The following SPEF2 variants were observed in gnomAD, a reference collection of about 807,000 sequenced individuals.
SPEF2 encodes the protein sperm flagella and cilia-associated protein 2.
SPEF2 carries 187 observed loss-of-function variants against 224.6 expected under a neutral mutation model. That is an observed-to-expected ratio of 0.83 (90% CI 0.74 to 0.94). The LOEUF is 0.94. Ranked by LOEUF, SPEF2 falls within the 40% of genes least tolerant of loss-of-function variation. The pLI, the probability that SPEF2 is intolerant of heterozygous loss-of-function variation, is 0.00. For missense variants in SPEF2, 2,170 were observed against 2,135.6 expected (o/e 1.02, Z -0.32); for synonymous variants, 715 against 707.3 (o/e 1.01, Z -0.17).
At chr5:35,789,337 A>G in intron 30 of SPEF2, 1 of 703,500 alleles carries the variant, frequency 1.4e-6, no homozygotes, top group East Asian at 2.7e-5. Context: ...TTGCCACTTT[A>G]GAGTCAATGC....
intron 8 of SPEF2, among the ~76,000 whole-genome samples, chr5:35,660,363 A>T (rs1749541317): frequency 6.6e-6 from 1 of 152,208 alleles, no homozygotes; most frequent in Non-Finnish European, 1.5e-5. Context: ...AACCTTATAG[A>T]AAACAGGAGG....
In SPEF2 at chr5:35,814,451, T is replaced by C. The variant is rs373545575; in HGVS notation, c.5380-13T>C. ...TTAGTATTTGTAACTTCTCTTTGAA[T>C]CTTTTGTCTTAGGATATTAAAATAA... On this transcript the variant is annotated splice_polypyrimidine_tract_variant and intron_variant, in intron 36 of 36. Transcript: ENST00000356031. 8.6e-6 allele frequency: 13 copies of C among 1,517,348 alleles called. No homozygotes were observed. The highest frequency in any genetic ancestry group is 1.2e-5 in the Non-Finnish European group (13 of 1,105,484). The allele number at this position is 1,517,348 out of a possible 1,614,324, so 94.0% of individuals were successfully genotyped here.
intron 23 of SPEF2, among the ~76,000 whole-genome samples, chr5:35,751,321 A>G (rs974195070): frequency 1.0e-4 from 14 of 139,014 alleles, no homozygotes; most frequent in African/African-American, 3.7e-4. Context: ...TGGGGGGAAG[A>G]GTGGGAGGGG....
intron 3 of SPEF2, among the ~76,000 whole-genome samples, chr5:35,642,611 A>G (rs999217322): frequency 5.9e-5 from 9 of 152,206 alleles, no homozygotes; most frequent in Admixed American, 2.0e-4. Context: ...TTATTGACTA[A>G]TTGATATGAC....
intron 1 of SPEF2, among the ~76,000 whole-genome samples, chr5:35,627,764 A>C (rs1744476743): frequency 6.6e-6 from 1 of 152,182 alleles, no homozygotes; most frequent in Non-Finnish European, 1.5e-5. Context: ...TGTTCTAGAC[A>C]TGAGGCTGAA....
intron 1 of SPEF2, among the ~76,000 whole-genome samples, chr5:35,626,314 T>C (rs1169045983): frequency 6.6e-6 from 1 of 152,050 alleles, no homozygotes; most frequent in East Asian, 1.9e-4. Context: ...GGGTTTAGAG[T>C]GAGATCATTC....
At chr5:35,762,271 CGTT>C (rs1751391521) in intron 25 of SPEF2, among the ~76,000 whole-genome samples, 1 of 152,026 alleles carries the variant, frequency 6.6e-6, no homozygotes, top group African/African-American at 2.4e-5. Flanking sequence ...AATGCAAATT[CGTT>C]TTCTAAGTTA....
At chr5:35,735,119 T>C (rs917123749) in intron 21 of SPEF2, among the ~76,000 whole-genome samples, 2 of 152,176 alleles carry the variant, frequency 1.3e-5, no homozygotes, top group Admixed American at 6.5e-5. Context: ...ATCTTCTATA[T>C]GAATATAAGC....
At chr5:35,756,249 T>G (rs1750426410) in intron 24 of SPEF2, among the ~76,000 whole-genome samples, 1 of 152,154 alleles carries the variant, frequency 6.6e-6, no homozygotes, top group Non-Finnish European at 1.5e-5. Flanking sequence ...CCAATTTCGT[T>G]ATCAGACGAA....
In SPEF2 at chr5:35,776,275, G is replaced by T. The variant is rs1012369930; in HGVS notation, c.4097G>T (p.Arg1366Leu). ...CAAATAGAAATAGCCACGCAATTTCGACTTGAACTGATAAAGACAAAAGCA... is the reference window on the plus strand; with the variant it reads ...CAAATAGAAATAGCCACGCAATTTCTACTTGAACTGATAAAGACAAAAGCA... ...LQFEEIATQF[R>L]LELIKTKALA... Residue 1366 changes from arginine to leucine, a missense_variant, in exon 29 of 37, where the codon CGA (arginine) becomes CTA (leucine). By Grantham distance (102) the Arg-to-Leu change is moderately radical. Transcript: ENST00000356031. 3.7e-6 allele frequency: 6 copies of T among 1,608,876 alleles called. No homozygotes were observed. The highest frequency in any genetic ancestry group is 1.3e-5 in the African/African-American group (1 of 74,578).
intron 34 of SPEF2, among the ~76,000 whole-genome samples, chr5:35,801,732 A>G (rs1306993311): frequency 6.6e-6 from 1 of 152,034 alleles, no homozygotes; most frequent in African/African-American, 2.4e-5. Flanking sequence ...ACCCGCTGCT[A>G]TATGTTCCCA....
At chr5:35,747,859 T>A (rs1748799003) in intron 23 of SPEF2, among the ~76,000 whole-genome samples, 1 of 151,994 alleles carries the variant, frequency 6.6e-6, no homozygotes, top group Admixed American at 6.6e-5. Flanking sequence ...ACAAAACACA[T>A]CACCCAGCAA....
At chr5:35,646,578 A>G in intron 4 of SPEF2, 89 bp from the exon 5 acceptor site, 1 of 1,313,042 alleles carries the variant, frequency 7.6e-7, no homozygotes, top group Non-Finnish European at 1.0e-6. Flanking sequence ...TTTTCAATAG[A>G]TAAATTTTAT....
intron 10 of SPEF2, among the ~76,000 whole-genome samples, chr5:35,690,616 C>T (rs1049886715): frequency 2.0e-5 from 3 of 152,090 alleles, no homozygotes; most frequent in Admixed American, 6.5e-5. Context: ...GAGTTAAACA[C>T]GGTAGACTTA....
intron 30 of SPEF2, among the ~76,000 whole-genome samples, chr5:35,787,135 T>C (rs1755261820): frequency 6.6e-6 from 1 of 152,106 alleles, no homozygotes; most frequent in East Asian, 1.9e-4. Flanking sequence ...TAAATATATG[T>C]CCCCTTGTGT....
At chr5:35,776,081 C>T (rs1298745273) in intron 28 of SPEF2, among the ~76,000 whole-genome samples, 176 bp from the exon 29 acceptor site, 1 of 152,116 alleles carries the variant, frequency 6.6e-6, no homozygotes, top group African/African-American at 2.4e-5. Context: ...ATGACTCTAC[C>T]ACATATTACA....
intron 36 of SPEF2, among the ~76,000 whole-genome samples, chr5:35,811,616 TG>T (rs201912205): frequency 1.8e-4 from 27 of 148,402 alleles, no homozygotes; most frequent in South Asian, 6.5e-4. Flanking sequence ...CACCTCATGG[TG>T]GGGGGGGTGG....
intron 10 of SPEF2, among the ~76,000 whole-genome samples, chr5:35,685,048 C>A: frequency 6.6e-6 from 1 of 152,086 alleles, no homozygotes; most frequent in East Asian, 1.9e-4. Context: ...AATAATTTTG[C>A]AGATCCAATT....
At chr5:35,799,128 A>G (rs1757073329) in intron 33 of SPEF2, among the ~76,000 whole-genome samples, 1 of 152,236 alleles carries the variant, frequency 6.6e-6, no homozygotes, top group Non-Finnish European at 1.5e-5. Flanking sequence ...CTAGACATGC[A>G]GATCCTTAGA....
Sources: allele counts gnomAD v4.1 joint callset (sites outside exome capture counted in the v4.1 genomes callset), GRCh38; gene constraint gnomAD v4.1.1; transcripts MANE v1.5; gene names NCBI Gene and HGNC (gene_info 2026-07-23, HGNC 2026-07-21).